DOCK6: variants seen among roughly 807,000 people sequenced by gnomAD.
DOCK6 encodes the protein dedicator of cytokinesis 6.
Under a neutral mutation model 230.3 loss-of-function variants are expected in DOCK6, and 167 were observed. The observed-to-expected ratio is 0.73, with a 90% CI of 0.64 to 0.82. DOCK6 has a LOEUF of 0.82. Among genes scored for constraint, DOCK6 ranks in the 40% least tolerant of loss-of-function variants. DOCK6 has a pLI of 0.00. For synonymous variants in DOCK6, 1,148 were observed against 1,185.0 expected (o/e 0.97, Z 0.64); for missense variants, 2,598 against 2,825.8 (o/e 0.92, Z 1.83).
At chr19:11,229,207 A>AC (rs1028062316) in intron 22 of DOCK6, 172 bp from the exon 23 acceptor site, 1 of 1,271,246 alleles carries the variant, frequency 7.9e-7, no homozygotes, top group East Asian at 2.7e-5. Context: ...GGCTCGCCAG[A>AC]CCCCCCTGGA....
intron 28 of DOCK6, among the ~76,000 whole-genome samples, chr19:11,219,138 A>G (rs1444674176): frequency 6.8e-6 from 1 of 146,518 alleles, no homozygotes; most frequent in Non-Finnish European, 1.5e-5. Flanking sequence ...CGGCCTCCCA[A>G]AGTGCTGAGA....
At chr19:11,242,008 C>G in intron 14 of DOCK6, 37 bp downstream of exon 14, 1 of 1,546,280 alleles carries the variant, frequency 6.5e-7, no homozygotes, top group Non-Finnish European at 8.7e-7. Context: ...ATGAATACCT[C>G]CCATTCAAGT....
At position 11,222,365 on chromosome 19, in the gene DOCK6, G is replaced by A. The variant is rs536440882; in HGVS notation, c.3241-117C>T. ...ATGGTGCCAATAGCCACAGATGAAA[G>A]ACTGATGTTAAGTCATCTGGAGGTG... On this transcript the variant is annotated intron_variant, in intron 26 of 47. Transcript: ENST00000294618. The surrounding 1 kb of genome is among the most constrained non-coding windows in gnomAD (Gnocchi z 4.0). The A allele has an allele frequency of 2.0e-5, 27 of 1,383,038 alleles. No homozygotes were observed. The highest frequency in any genetic ancestry group is 2.5e-5 in the Non-Finnish European group (26 of 1,022,076). The allele number at this position is 1,383,038 out of a possible 1,614,324, so 85.7% of individuals were successfully genotyped here. A position where few individuals can be genotyped will look rare whatever the true frequency, so the allele number is the denominator to read the frequency against.
chr19:11,217,156 C>T, intron 29 of DOCK6, 60 bp from the exon 30 acceptor site: 1 of 1,597,250 alleles, frequency 6.3e-7, no homozygotes, highest in South Asian at 1.1e-5. Flanking sequence ...TGAATCCTGG[C>T]CAATCTGTAT....
chr19:11,227,311 C>T (rs781506350), intron 24 of DOCK6, 26 bp downstream of exon 24: 16 of 1,608,180 alleles, frequency 9.9e-6, no homozygotes, highest in African/African-American at 1.3e-5. Flanking sequence ...AGGTTTCTTC[C>T]CACATTGAGA....
chr19:11,211,458 T>C (rs2079382558), intron 37 of DOCK6, among the ~76,000 whole-genome samples: 1 of 151,434 alleles, frequency 6.6e-6, no homozygotes, highest in African/African-American at 2.4e-5. Context: ...GCATCCTCTT[T>C]ACCTGTTTGC....
At chr19:11,208,650 AG>A in intron 39 of DOCK6, 35 bp downstream of exon 39, 1 of 1,590,402 alleles carries the variant, frequency 6.3e-7, no homozygotes, top group Middle Eastern at 1.7e-4. Context: ...CCCTGGCCCG[AG>A]CCCCCTCTCC....
Position 11,236,126 on chromosome 19 carries a change from C to A in DOCK6, c.2392+220G>T. ...AACTCTCGACCTCAGGTGATCTGCC[C>A]GCCTCGGCCTCCCAAAGTGCTGGGA... is the stretch of plus-strand genomic sequence containing the variant. On this transcript the variant is annotated intron_variant, in intron 20 of 47. Coordinates refer to ENST00000294618, the MANE Select transcript of DOCK6 (RefSeq NM_020812.4). The surrounding 1 kb of genome is among the most constrained non-coding windows in gnomAD (Gnocchi z 5.2). The A allele has an allele frequency of 5.1e-6, 3 of 586,560 alleles. No homozygotes were observed. Among genetic ancestry groups the A allele is most frequent in the South Asian group, 2.4e-5 (1 of 42,386 alleles). The allele number at this position is 586,560 out of a possible 1,614,324, so 36.3% of individuals were successfully genotyped here.
rs532235071 is a variant in DOCK6, at chr19:11,228,757, T to G, written c.2814+183A>C. 140 of 513,342 alleles carry G rather than the reference T, an allele frequency of 2.7e-4. 2 individuals carry two copies. In the South Asian group the frequency reaches 3.0e-3, roughly 11 times the overall value. The allele number at this position is 513,342 out of a possible 1,614,324, so 31.8% of individuals were successfully genotyped here. On this transcript the variant is annotated intron_variant, in intron 23 of 47. Coordinates refer to ENST00000294618, the MANE Select transcript of DOCK6 (RefSeq NM_020812.4). ...TTTTGTATTTTTAGTAGAGACGGGG[T>G]TTCACCGTGTTAGCCAGGATGGTCT...
At position 11,201,630 on chromosome 19, in the gene DOCK6, C is replaced by T. The variant is rs2079169526; in HGVS notation, c.5688+259G>A. Among the ~76,000 whole-genome samples the T allele has an allele frequency of 6.6e-6, 1 of 152,040 alleles. No individual in the cohort carries two copies. Among genetic ancestry groups the T allele is most frequent in the South Asian group, 2.1e-4 (1 of 4,820 alleles). On this transcript the variant is annotated intron_variant, in intron 44 of 47. Transcript: ENST00000294618. The surrounding 1 kb of genome is among the most constrained non-coding windows in gnomAD (Gnocchi z 4.3). ...CTTCCTAGATCTGGGCTCCCTCTGC[C>T]TCCTCTTTCTGGGTCTGGAATCCCT...
intron 35 of DOCK6, 133 bp from the exon 36 acceptor site, chr19:11,212,284 C>G (rs1367002786): frequency 4.8e-6 from 5 of 1,046,888 alleles, no homozygotes; most frequent in South Asian, 1.6e-5. Flanking sequence ...CTCTGTCGCC[C>G]AGGCTGGAGT....
rs34479977 is a variant in DOCK6, at chr19:11,214,397, A to C, written c.4216T>G (p.Ser1406Ala). The C allele has an allele frequency of 1.4e-4, 229 of 1,613,764 alleles. 1 individual carries two copies. The Middle Eastern group carries it at 1.6e-3, about 12-fold the overall frequency. The change falls in exon 34 of 48, where the codon TCA (serine) becomes GCA (alanine). Residue 1406 changes from serine to alanine, a missense_variant. Ser to Ala is a moderately conservative substitution (Grantham distance 99). Coordinates refer to ENST00000294618, the MANE Select transcript of DOCK6 (RefSeq NM_020812.4). ...LEIIVQTVMLSEARESVLGAV... is the reference protein window; with the variant it reads ...LEIIVQTVMLAEARESVLGAV... ...CCCAAGACGCTCTCCCGGGCTTCTG[A>C]AAGCATCACCGTCTGGAGGGAAGGG...
At chr19:11,225,133 CAGG>C (rs1223271678) in intron 24 of DOCK6, among the ~76,000 whole-genome samples, 1 of 151,918 alleles carries the variant, frequency 6.6e-6, no homozygotes, top group Admixed American at 6.6e-5. Context: ...GAGGCTGAGG[CAGG>C]AGAATTGCTT....
chr19:11,243,382 C>T lies in DOCK6; in HGVS notation c.1262G>A (p.Arg421His), dbSNP rs1221164128. The T allele has an allele frequency of 1.2e-6, 2 of 1,601,562 alleles. No homozygotes were observed. The highest frequency in any genetic ancestry group is 2.3e-5 in the East Asian group (1 of 44,304). The change falls in exon 12 of 48, where the codon CGC becomes CAC. Residue 421 changes from arginine to histidine, a missense_variant. By Grantham distance (29) the Arg-to-His change is conservative. Coordinates refer to ENST00000294618, the MANE Select transcript of DOCK6 (RefSeq NM_020812.4). The surrounding 1 kb of genome is among the most constrained non-coding windows in gnomAD (Gnocchi z 6.3). ...LDRDSDSEGE[R>H]RPAWTDRRRR... Reference sequence around the variant, plus strand: ...GCGGCGGTCTGTCCAGGCTGGCCGGCGCTCTAGGGGAGGGAATGACAATGA... The same window carrying T: ...GCGGCGGTCTGTCCAGGCTGGCCGGTGCTCTAGGGGAGGGAATGACAATGA...
At position 11,252,588 on chromosome 19, in the gene DOCK6, C is replaced by T. The variant is rs1280484926; in HGVS notation, c.309-38G>A. On this transcript the variant is annotated intron_variant, in intron 3 of 47. Coordinates refer to ENST00000294618, the MANE Select transcript of DOCK6 (RefSeq NM_020812.4). Reference sequence around the variant, plus strand: ...AAGATCAGGGTAAACAGAGACAAGGCCTCTGTGAATCCTTCTGCTAGCCTG... The same window carrying T: ...AAGATCAGGGTAAACAGAGACAAGGTCTCTGTGAATCCTTCTGCTAGCCTG... The T allele has an allele frequency of 5.6e-6, 9 of 1,610,210 alleles. 1 individual carries two copies. In the East Asian group the frequency reaches 1.8e-4, roughly 32 times the overall value.
In DOCK6 at chr19:11,236,319, CTG is replaced by C. The variant is rs1389723376; in HGVS notation, c.2392+25_2392+26del. On this transcript the variant is annotated intron_variant, in intron 20 of 47. Transcript: ENST00000294618. The surrounding 1 kb of genome is among the most constrained non-coding windows in gnomAD (Gnocchi z 5.2). ...CTGAGAAGCCATGTGGATGGGGAAA[CTG>C]AGGTCTGAGGCCACATTCGCTTACC... 1.3e-6 allele frequency: 2 copies of C among 1,525,762 alleles called. No individual in the cohort carries two copies. The highest frequency in any genetic ancestry group is 4.0e-5 in the Admixed American group (2 of 50,406). 94.5% of individuals were successfully genotyped at this position (1,525,762 alleles called of 1,614,324 possible).
Position 11,202,635 on chromosome 19 carries a change from C to T in DOCK6, c.5310G>A (p.Val1770=), listed in dbSNP as rs774612108. The change falls in exon 42 of 48, where the codon GTG becomes GTA. Residue 1770 remains valine (V), a synonymous_variant. Transcript: ENST00000294618. The surrounding 1 kb of genome is among the most constrained non-coding windows in gnomAD (Gnocchi z 5.3). ...GCTTCGTGATCGATGGCTCCTTGTA[C>T]ACAAACTCCTGCTCATCCAGGTCAC... The part of the protein sequence containing the change: ...HFGDLDEQEF[V]YKEPSITKLA... The T allele has an allele frequency of 6.2e-7, 1 of 1,614,024 alleles. No individual in the cohort carries two copies. Among genetic ancestry groups the T allele is most frequent in the Admixed American group, 1.7e-5 (1 of 60,020 alleles).
At position 11,229,005 on chromosome 19, in the gene DOCK6, C is replaced by G. The variant is rs771764644; in HGVS notation, c.2749G>C (p.Val917Leu). Residue 917 changes from valine to leucine, a missense_variant, in exon 23 of 48, where the codon GTG becomes CTG. Val to Leu is a conservative substitution (Grantham distance 32). Transcript: ENST00000294618. ...TCGCGTACGGCACTGCTGCTGACCA[C>G]CCACTGCAGAGCCAGCTCCTCGTGA... ...LLHEELALQW[V>L]VSSSAVREAI... The G allele has an allele frequency of 1.2e-6, 2 of 1,613,634 alleles. No individual in the cohort carries two copies. The highest frequency in any genetic ancestry group is 8.5e-7 in the Non-Finnish European group (1 of 1,179,816).
intron 22 of DOCK6, chr19:11,232,122 A>G (rs2079774345): frequency 8.3e-7 from 1 of 1,204,038 alleles, no homozygotes; most frequent in Non-Finnish European, 1.1e-6. Context: ...TGCAGCCAGG[A>G]AGGTGGGAGG....
Sources: allele counts gnomAD v4.1 joint callset (sites outside exome capture counted in the v4.1 genomes callset), GRCh38; gene constraint gnomAD v4.1.1; non-coding constraint Gnocchi (gnomAD v3.1); transcripts MANE v1.5; gene names NCBI Gene and HGNC (gene_info 2026-07-23, HGNC 2026-07-21).